The following TIMP3 variants were observed in gnomAD, a reference collection of about 807,000 sequenced individuals.
TIMP3 encodes metalloproteinase inhibitor 3.
A neutral mutation model predicts 30.0 loss-of-function variants in TIMP3; 11 were observed. That is an observed-to-expected ratio of 0.37 (90% CI 0.23 to 0.61). TIMP3 has a LOEUF of 0.61. TIMP3 is among the 20% of genes least tolerant of loss of function. TIMP3 has a pLI of 0.70. For missense variants in TIMP3, 181 were observed against 276.8 expected, an observed-to-expected ratio of 0.65 and a Z score of 2.45; for synonymous variants, 112 against 111.3, an observed-to-expected ratio of 1.01 and a Z score of -0.04.
intron 1 of TIMP3, among the ~76,000 whole-genome samples, chr22:32,820,152 G>A (rs975848437): frequency 1.3e-5 from 2 of 152,104 alleles, no homozygotes; most frequent in South Asian, 2.1e-4. Flanking sequence ...TATTCAGGCC[G>A]TCTCTGAGGC....
chr22:32,835,592 T>A (rs528213164), intron 1 of TIMP3, among the ~76,000 whole-genome samples: 2 of 152,164 alleles, frequency 1.3e-5, no homozygotes, highest in Non-Finnish European at 2.9e-5. Context: ...TAGAATGGTA[T>A]GTGCAAAGGC....
chr22:32,811,000 C>T (rs1418696687), intron 1 of TIMP3, among the ~76,000 whole-genome samples: 2 of 152,046 alleles, frequency 1.3e-5, no homozygotes, highest in African/African-American at 4.8e-5. Context: ...TTATGTACCA[C>T]GTGGTAACTT....
intron 1 of TIMP3, among the ~76,000 whole-genome samples, chr22:32,841,204 A>G (rs242071): frequency 0.51 from 77,056 of 152,148 alleles, 19,722 homozygotes; most frequent in Admixed American, 0.61. Flanking sequence ...GGCTACAGCA[A>G]TAGGTAAAGC....
Position 32,837,886 on chromosome 22 carries a change from C to T in TIMP3, c.122-11566C>T, listed in dbSNP as rs1465294198. Among the ~76,000 whole-genome samples, 1 of 152,204 alleles carries T rather than the reference C, an allele frequency of 6.6e-6. No individual in the cohort carries two copies. Among genetic ancestry groups the T allele is most frequent in the African/African-American group, 2.4e-5 (1 of 41,444 alleles). ...TTGTTGGACTCTCTGTTTTCTGTCT[C>T]TCCAATGGGCTGGACTCTCCAGCCT... On this transcript the variant is annotated intron_variant, in intron 1 of 4. Coordinates refer to ENST00000266085, the MANE Select transcript of TIMP3 (RefSeq NM_000362.5). The surrounding 1 kb of genome is among the most constrained non-coding windows in gnomAD (Gnocchi z 4.1).
At chr22:32,813,387 G>C (rs2046964989) in intron 1 of TIMP3, among the ~76,000 whole-genome samples, 1 of 152,040 alleles carries the variant, frequency 6.6e-6, no homozygotes, top group African/African-American at 2.4e-5. Context: ...CTGCTGTCCA[G>C]CTCCAGCCTA....
intron 1 of TIMP3, among the ~76,000 whole-genome samples, chr22:32,844,047 G>A (rs62232922): frequency 0.067 from 10,188 of 152,132 alleles, 365 homozygotes; most frequent in Middle Eastern, 0.1. Flanking sequence ...GTGGAACCTG[G>A]ACTCCTAAGT....
chr22:32,840,868 G>A (rs2047880252), intron 1 of TIMP3, among the ~76,000 whole-genome samples: 1 of 152,098 alleles, frequency 6.6e-6, no homozygotes, highest in South Asian at 2.1e-4. Flanking sequence ...TGTCATTGCT[G>A]GTCTCTCTCA....
chr22:32,808,949 C>T (rs1569241080), intron 1 of TIMP3, among the ~76,000 whole-genome samples: 1 of 152,208 alleles, frequency 6.6e-6, no homozygotes, highest in Admixed American at 6.5e-5. Flanking sequence ...ATGCTCTCTG[C>T]ATTACTTGAT....
intron 1 of TIMP3, among the ~76,000 whole-genome samples, chr22:32,819,025 C>T (rs377323354): frequency 2.0e-5 from 3 of 152,218 alleles, no homozygotes; most frequent in Admixed American, 6.5e-5. Context: ...CTGGCCTCTG[C>T]GCTTAAGTAT....
chr22:32,847,042 G>A (rs146333675), intron 1 of TIMP3, among the ~76,000 whole-genome samples: 89 of 152,278 alleles, frequency 5.8e-4, no homozygotes, highest in African/African-American at 2.0e-3. Flanking sequence ...GAACCAGGAT[G>A]TTGCTATTTA....
chr22:32,857,378 C>T lies in TIMP3; in HGVS notation c.316+18C>T. 3 of 1,596,072 alleles carry T rather than the reference C, an allele frequency of 1.9e-6. No individual in the cohort carries two copies. The highest frequency in any genetic ancestry group is 1.7e-6 in the Non-Finnish European group (2 of 1,163,732). Reference sequence around the variant, plus strand: ...GCTGACAGGTAATGGCCAACTCTAGCTTCTAGGCCAGGGTTTGGCCAAGGT... The same window carrying T: ...GCTGACAGGTAATGGCCAACTCTAGTTTCTAGGCCAGGGTTTGGCCAAGGT... On this transcript the variant is annotated intron_variant, in intron 3 of 4. Transcript: ENST00000266085.
At position 32,801,803 on chromosome 22, in the gene TIMP3, T is replaced by TCGCCGCCCGCCGAGG; in HGVS notation, c.-198_-197insGCCGCCCGCCGAGGC. ...CTTCGCCGGGAGGCCGCCCGCCGAG[T>TCGCCGCCCGCCGAGG]CCTGCGCCAGCGCCGAGGCAGCCTC... is the stretch of plus-strand genomic sequence containing the variant. On this transcript the variant is annotated 5_prime_UTR_variant, in exon 1 of 5. Transcript: ENST00000266085. The surrounding 1 kb of genome is among the most constrained non-coding windows in gnomAD (Gnocchi z 4.7). The TCGCCGCCCGCCGAGG allele has an allele frequency of 2.1e-6, 1 of 483,100 alleles. No homozygotes were observed. The highest frequency in any genetic ancestry group is 3.0e-6 in the Non-Finnish European group (1 of 335,912). The allele number at this position is 483,100 out of a possible 1,614,324, so 29.9% of individuals were successfully genotyped here.
In TIMP3 at chr22:32,832,831, G is replaced by T. The variant is rs555851036; in HGVS notation, c.122-16621G>T. Among the ~76,000 whole-genome samples, 4 of 152,134 alleles carry T rather than the reference G, an allele frequency of 2.6e-5. No homozygotes were observed. In the South Asian group the frequency reaches 6.2e-4, roughly 24 times the overall value. On this transcript the variant is annotated intron_variant, in intron 1 of 4. Transcript: ENST00000266085. The stretch of plus-strand genomic sequence containing the variant: ...CAGCCTCAACTTCCTAGGCTCAAGT[G>T]ATCCGTTTCCCTCAGCCTCCCAAGT...
intron 3 of TIMP3, among the ~76,000 whole-genome samples, chr22:32,857,732 A>G (rs2048411428): frequency 6.6e-6 from 1 of 152,214 alleles, no homozygotes; most frequent in Admixed American, 6.5e-5. Context: ...AACAAAAATC[A>G]TTATAAAGGG....
chr22:32,828,444 A>G (rs1316854833), intron 1 of TIMP3, among the ~76,000 whole-genome samples: 2 of 152,272 alleles, frequency 1.3e-5, no homozygotes, highest in Non-Finnish European at 2.9e-5. Context: ...AAAAGGTCAG[A>G]GATCCAATCC....
intron 2 of TIMP3, among the ~76,000 whole-genome samples, chr22:32,854,629 C>T (rs1439966831): frequency 2.0e-5 from 3 of 152,166 alleles, no homozygotes; most frequent in Non-Finnish European, 2.9e-5. Flanking sequence ...TACAGCAGCA[C>T]GCTTAAACAT....
At chr22:32,821,173 G>A (rs936060222) in intron 1 of TIMP3, among the ~76,000 whole-genome samples, 2 of 152,098 alleles carry the variant, frequency 1.3e-5, no homozygotes, top group African/African-American at 4.8e-5. Flanking sequence ...ATGGAATCCC[G>A]TCTCTGCCTT....
chr22:32,838,416 A>C (rs1252130280), intron 1 of TIMP3, among the ~76,000 whole-genome samples: 1 of 152,138 alleles, frequency 6.6e-6, no homozygotes, highest in African/African-American at 2.4e-5. Flanking sequence ...CCTGCAGAGG[A>C]GTCAGCAGGT....
At chr22:32,831,568 A>G (rs1463253344) in intron 1 of TIMP3, among the ~76,000 whole-genome samples, 2 of 152,144 alleles carry the variant, frequency 1.3e-5, no homozygotes, top group Non-Finnish European at 2.9e-5. Context: ...CATTTTTATT[A>G]CCAAGGACTA....
Sources: allele counts gnomAD v4.1 joint callset (sites outside exome capture counted in the v4.1 genomes callset), GRCh38; gene constraint gnomAD v4.1.1; non-coding constraint Gnocchi (gnomAD v3.1); transcripts MANE v1.5; gene names NCBI Gene and HGNC (gene_info 2026-07-23, HGNC 2026-07-21).